Variants in RBFOX1 observed in about 807,000 individuals in gnomAD.
The protein encoded by RBFOX1 is RNA binding protein fox-1 homolog 1.
RBFOX1 carries 8 observed loss-of-function variants against 57.7 expected under a neutral mutation model. The ratio of observed to expected loss-of-function variants is 0.14; its 90% CI spans 0.08 to 0.25. The LOEUF (loss-of-function observed/expected upper bound fraction) is 0.25, where lower values mean the gene tolerates loss of function less well. Among genes scored for constraint, RBFOX1 ranks in the 10% least tolerant of loss-of-function variants. The probability of loss-of-function intolerance (pLI) is 1.00; values close to 1 mark genes in which losing one functional copy is unlikely to be tolerated. For synonymous variants in RBFOX1, 326 were observed against 222.4 expected, an observed-to-expected ratio of 1.47 and a Z score of -4.15; for missense variants, 611 against 548.5, an observed-to-expected ratio of 1.11 and a Z score of -1.14.
At chr16:5,458,145 G>A (rs138002212) in intron 1 of RBFOX1, among the ~76,000 whole-genome samples, 241 of 152,226 alleles carry the variant, frequency 1.6e-3, no homozygotes, top group African/African-American at 5.5e-3. Context: ...ATTGCATTAA[G>A]TGAATTAAAT....
chr16:6,851,406 T>C (rs2141981463), intron 3 of RBFOX1, among the ~76,000 whole-genome samples: 1 of 152,326 alleles, frequency 6.6e-6, no homozygotes, highest in South Asian at 2.1e-4. Context: ...GTAGAGGTCA[T>C]GGGCTCTCTG....
At chr16:6,540,573 C>T (rs1163259511) in intron 2 of RBFOX1, among the ~76,000 whole-genome samples, 1 of 144,592 alleles carries the variant, frequency 6.9e-6, no homozygotes, top group African/African-American at 2.6e-5. Flanking sequence ...GATTGCACCA[C>T]TGTACTCCAG....
intron 14 of RBFOX1, among the ~76,000 whole-genome samples, chr16:7,691,173 T>C (rs1452669511): frequency 6.6e-6 from 1 of 151,450 alleles, no homozygotes; most frequent in African/African-American, 2.4e-5. Flanking sequence ...TGGTAGCTGT[T>C]AACTCCTTTT....
chr16:6,551,057 A>T (rs1270516195), intron 2 of RBFOX1, among the ~76,000 whole-genome samples: 1 of 152,194 alleles, frequency 6.6e-6, no homozygotes, highest in African/African-American at 2.4e-5. Context: ...TGGGGGCCCC[A>T]GGAATTTTGC....
chr16:5,520,727 A>G (rs541247482), intron 2 of RBFOX1, among the ~76,000 whole-genome samples: 2 of 152,342 alleles, frequency 1.3e-5, no homozygotes, highest in South Asian at 4.1e-4. Context: ...GGAGGAACAT[A>G]CTTCCCCTCT....
intron 1 of RBFOX1, among the ~76,000 whole-genome samples, chr16:5,320,390 T>G (rs1180183077): frequency 6.6e-6 from 1 of 152,154 alleles, no homozygotes; most frequent in Non-Finnish European, 1.5e-5. Flanking sequence ...CAGGAGAGAT[T>G]GTGATGAGTG....
intron 4 of RBFOX1, among the ~76,000 whole-genome samples, chr16:7,400,220 T>G (rs1213642940): frequency 6.6e-6 from 1 of 152,156 alleles, no homozygotes; most frequent in Non-Finnish European, 1.5e-5. Context: ...CTGGGGTTGT[T>G]AAAATTGCAC....
At position 5,946,797 on chromosome 16, in the gene RBFOX1, A is replaced by G. The variant is rs1193725915; in HGVS notation, c.351+79462A>G. Among the ~76,000 whole-genome samples the G allele has an allele frequency of 2.6e-5, 4 of 152,302 alleles. No individual in the cohort carries two copies. Among genetic ancestry groups the G allele is most frequent in the African/African-American group, 9.6e-5 (4 of 41,568 alleles). ...CTAACTCCAGGTGGATCATGTCAGA[A>G]TTGAACTGTAGGACACCCAGTTGGT... is the stretch of plus-strand genomic sequence containing the variant. On this transcript the variant is annotated intron_variant, in intron 4 of 19. Transcript: ENST00000641259. The surrounding 1 kb of genome is among the most constrained non-coding windows in gnomAD (Gnocchi z 4.6).
chr16:5,277,174 G>A (rs1229643879), intron 1 of RBFOX1, among the ~76,000 whole-genome samples: 3 of 152,136 alleles, frequency 2.0e-5, no homozygotes, highest in Non-Finnish European at 4.4e-5. Flanking sequence ...GATGGAGTTG[G>A]AGAGCATTAT....
intron 2 of RBFOX1, among the ~76,000 whole-genome samples, chr16:6,637,397 T>TTATATATATTATATAATATA (rs1555636473): frequency 2.9e-4 from 2 of 6,822 alleles, no homozygotes; most frequent in Non-Finnish European, 5.9e-4. Context: ...ATATTATATA[T>TTATATATATTATATAATATA]TAAATATATA....
intron 1 of RBFOX1, among the ~76,000 whole-genome samples, chr16:5,423,871 A>G (rs1039511069): frequency 6.6e-6 from 1 of 152,124 alleles, no homozygotes; most frequent in South Asian, 2.1e-4. Flanking sequence ...GAGGCCAGGC[A>G]TTGCCTTTTG....
chr16:7,312,027 T>C (rs1482327467), intron 4 of RBFOX1, among the ~76,000 whole-genome samples: 1 of 152,152 alleles, frequency 6.6e-6, no homozygotes, highest in Non-Finnish European at 1.5e-5. Context: ...AAGATGCAAA[T>C]GGGAACACTT....
At chr16:7,050,917 C>G (rs1323143686) in intron 3 of RBFOX1, among the ~76,000 whole-genome samples, 1 of 152,040 alleles carries the variant, frequency 6.6e-6, no homozygotes, top group Non-Finnish European at 1.5e-5. Context: ...TAGAAAAGCA[C>G]TGATTTATAG....
intron 2 of RBFOX1, among the ~76,000 whole-genome samples, chr16:5,542,132 G>T (rs762697419): frequency 1.3e-5 from 2 of 152,074 alleles, no homozygotes; most frequent in Non-Finnish European, 2.9e-5. Context: ...CAGGTCCAGA[G>T]CATGGGATGT....
At chr16:5,545,459 T>G (rs1482624683) in intron 2 of RBFOX1, among the ~76,000 whole-genome samples, 1 of 152,086 alleles carries the variant, frequency 6.6e-6, no homozygotes, top group Non-Finnish European at 1.5e-5. Context: ...TGCAAATAAT[T>G]GTAAACAAAA....
chr16:7,094,048 T>C (rs1160173262), intron 4 of RBFOX1, among the ~76,000 whole-genome samples: 1 of 150,552 alleles, frequency 6.6e-6, no homozygotes, highest in East Asian at 1.9e-4. Context: ...TGGATGTTGC[T>C]TAGTGCCAGA....
intron 4 of RBFOX1, among the ~76,000 whole-genome samples, chr16:7,081,512 C>G (rs989321065): frequency 1.3e-5 from 2 of 152,182 alleles, no homozygotes; most frequent in African/African-American, 4.8e-5. Context: ...AAAATAGAAG[C>G]ACTCATTTCT....
rs139814525 is a variant in RBFOX1, at chr16:6,875,386, T to C, written c.-15-176671T>C. On this transcript the variant is annotated intron_variant, in intron 3 of 15. Coordinates refer to ENST00000550418, the MANE Select transcript of RBFOX1 (RefSeq NM_018723.4). ...TCTCCTGTCCAATATGACCTACTTCTCTGAAGCTGGTAGTGGTTTTTGAGG... is the reference window on the plus strand; with the variant it reads ...TCTCCTGTCCAATATGACCTACTTCCCTGAAGCTGGTAGTGGTTTTTGAGG... 4.3e-3 allele frequency among the ~76,000 whole-genome samples: 657 copies of C among 152,314 alleles called. 5 individuals carry two copies. The highest frequency in any genetic ancestry group is 0.017 in the Middle Eastern group (5 of 294).
intron 2 of RBFOX1, among the ~76,000 whole-genome samples, chr16:6,364,183 C>G (rs1489625700): frequency 6.6e-6 from 1 of 152,190 alleles, no homozygotes; most frequent in Admixed American, 6.5e-5. Flanking sequence ...AAAAATAGGA[C>G]CTTTTTCAAA....
Sources: allele counts gnomAD v4.1 joint callset (sites outside exome capture counted in the v4.1 genomes callset), GRCh38; gene constraint gnomAD v4.1.1; non-coding constraint Gnocchi (gnomAD v3.1); transcripts MANE v1.5; gene names NCBI Gene and HGNC (gene_info 2026-07-23, HGNC 2026-07-21).